MYL3: variants seen among roughly 807,000 people sequenced by gnomAD.
MYL3 encodes the protein CMLC1.
Under a neutral mutation model 21.3 loss-of-function variants are expected in MYL3, and 11 were observed. The ratio of observed to expected loss-of-function variants is 0.52; its 90% CI spans 0.32 to 0.85. The LOEUF is 0.85. MYL3 is among the 40% of genes least tolerant of loss of function. The probability of loss-of-function intolerance (pLI) is 0.03; values close to 1 mark genes in which losing one functional copy is unlikely to be tolerated. For missense variants in MYL3, 206 were observed against 253.3 expected (o/e 0.81, Z 1.27); for synonymous variants, 88 against 91.6 (o/e 0.96, Z 0.22).
In MYL3 at chr3:46,863,357, C is replaced by A; in HGVS notation, c.34G>T (p.Asp12Tyr). The A allele has an allele frequency of 6.2e-7, 1 of 1,613,852 alleles. No homozygotes were observed. The highest frequency in any genetic ancestry group is 8.5e-7 in the Non-Finnish European group (1 of 1,180,014). Reference protein sequence around the residue: ...APKKPEPKKDDAKAAPKAAPA... With the variant: ...APKKPEPKKDYAKAAPKAAPA... ...GCTGCCTTGGGGGCTGCCTTGGCAT[C>A]ATCCTTCTTGGGCTCTGGCTTTTTG... Residue 12 changes from aspartate to tyrosine, a missense_variant, in exon 1 of 7, where the codon GAT becomes TAT. Transcript: ENST00000292327.
At chr3:46,870,927 G>C (rs1702103837) in intron 1 of MYL3, among the ~76,000 whole-genome samples, 1 of 152,170 alleles carries the variant, frequency 6.6e-6, no homozygotes, top group African/African-American at 2.4e-5. Context: ...GCCAAGAGCA[G>C]GCACGCTGTA....
intron 1 of MYL3, among the ~76,000 whole-genome samples, chr3:46,878,559 T>A (rs1429428464): frequency 6.6e-6 from 1 of 152,172 alleles, no homozygotes; most frequent in Non-Finnish European, 1.5e-5. Flanking sequence ...TGGGGAAATA[T>A]AAGGACTCAG....
chr3:46,865,411 G>T (rs1328937679), upstream of MYL3, among the ~76,000 whole-genome samples: 3 of 152,118 alleles, frequency 2.0e-5, no homozygotes, highest in Non-Finnish European at 4.4e-5. The surrounding 1 kb of genome is among the most constrained non-coding windows in gnomAD (Gnocchi z 4.3). Context: ...ACACAGAGGG[G>T]CCCCGGGGAG....
chr3:46,860,866 C>T lies in MYL3; in HGVS notation c.158-41G>A, dbSNP rs1348959906. On this transcript the variant is annotated intron_variant, in intron 2 of 6. Coordinates refer to ENST00000292327, the MANE Select transcript of MYL3 (RefSeq NM_000258.3). This position sits in a 1 kb window ranked among gnomAD's most constrained non-coding sequence, Gnocchi z 4.6. Reference sequence around the variant, plus strand: ...AGTGAGCCACAGACACTCCCAGGGTCAGCCTACCCCACTCCCCACACCCCT... The same window carrying T: ...AGTGAGCCACAGACACTCCCAGGGTTAGCCTACCCCACTCCCCACACCCCT... The T allele has an allele frequency of 6.2e-7, 1 of 1,614,106 alleles. No homozygotes were observed. Among genetic ancestry groups the T allele is most frequent in the Non-Finnish European group, 8.5e-7 (1 of 1,180,010 alleles).
chr3:46,877,056 G>C (rs1284899697), intron 1 of MYL3, among the ~76,000 whole-genome samples: 1 of 152,134 alleles, frequency 6.6e-6, no homozygotes, highest in Non-Finnish European at 1.5e-5. Context: ...CAGACCCTGG[G>C]CCTGGAAGGG....
Position 46,858,125 on chromosome 3 carries a change from T to C in MYL3, c.*14-24A>G. 4 of 1,322,672 alleles carry C rather than the reference T, an allele frequency of 3.0e-6. No individual in the cohort carries two copies. The South Asian group carries it at 4.8e-5, about 16-fold the overall frequency. The allele number at this position is 1,322,672 out of a possible 1,614,324, so 81.9% of individuals were successfully genotyped here. ...TCCTGAGAGCAAAGGCAGTGCAGAT[T>C]ACAGAGGAGGAGGGAGACGGAGGCA... On this transcript the variant is annotated intron_variant, in intron 6 of 6. Transcript: ENST00000292327.
At chr3:46,881,184 T>C (rs2030534332) in intron 1 of MYL3, 1 of 152,256 alleles carries the variant, frequency 6.6e-6, no homozygotes. Flanking sequence ...TGCATTCGCT[T>C]CCTCCGCGAT....
chr3:46,864,879 T>G (rs1407164733), upstream of MYL3, among the ~76,000 whole-genome samples: 1 of 152,194 alleles, frequency 6.6e-6, no homozygotes, highest in Admixed American at 6.5e-5. This position sits in a 1 kb window ranked among gnomAD's most constrained non-coding sequence, Gnocchi z 4.7. Flanking sequence ...GGCACAAGGC[T>G]CTTCCCGCAT....
At chr3:46,880,726 T>C (rs2030498175) in intron 1 of MYL3, among the ~76,000 whole-genome samples, 1 of 151,430 alleles carries the variant, frequency 6.6e-6, no homozygotes, top group Non-Finnish European at 1.5e-5. Flanking sequence ...GACTTTGTCT[T>C]GAAGAAGAAG....
Position 46,860,553 on chromosome 3 carries a change from C to A in MYL3, c.307+123G>T. 7.2e-7 allele frequency: 1 copy of A among 1,393,516 alleles called. No homozygotes were observed. 86.3% of individuals were successfully genotyped at this position (1,393,516 alleles called of 1,614,324 possible). ...ATGGCCCTGTGACTGGCCTCGGTGC[C>A]CTCATCGGGACAATGCGAGATGTCA... On this transcript the variant is annotated intron_variant, in intron 3 of 6. Transcript: ENST00000292327. The surrounding 1 kb of genome is among the most constrained non-coding windows in gnomAD (Gnocchi z 4.6).
At chr3:46,876,548 G>A (rs1007461077) in intron 1 of MYL3, among the ~76,000 whole-genome samples, 3 of 152,204 alleles carry the variant, frequency 2.0e-5, no homozygotes, top group Admixed American at 2.0e-4. Context: ...CTTTGGTCCC[G>A]TTTCCTCCAC....
Position 46,860,768 on chromosome 3 carries a change from G to A in MYL3, c.215C>T (p.Thr72Ile). 1.9e-6 allele frequency: 3 copies of A among 1,614,144 alleles called. No individual in the cohort carries two copies. The highest frequency in any genetic ancestry group is 2.5e-6 in the Non-Finnish European group (3 of 1,180,022). Reference protein sequence around the residue: ...DRTPKCEMKITYGQCGDVLRA... With the variant: ...DRTPKCEMKIIYGQCGDVLRA... Reference sequence around the variant, plus strand: ...CAGGACATCCCCACACTGCCCGTAGGTGATCTTCATCTCACACTTGGGTGT... The same window carrying A: ...CAGGACATCCCCACACTGCCCGTAGATGATCTTCATCTCACACTTGGGTGT... Residue 72 changes from threonine (T) to isoleucine (I), a missense_variant, in exon 3 of 7, where the codon ACC (threonine) becomes ATC (isoleucine). By Grantham distance (89) the Thr-to-Ile change is moderately conservative (BLOSUM62 -1). Transcript: ENST00000292327. This position sits in a 1 kb window ranked among gnomAD's most constrained non-coding sequence, Gnocchi z 4.6.
chr3:46,872,959 T>C (rs1274065950), intron 1 of MYL3, among the ~76,000 whole-genome samples: 1 of 152,084 alleles, frequency 6.6e-6, no homozygotes, highest in Non-Finnish European at 1.5e-5. Flanking sequence ...AGCAGGGTGT[T>C]TGGAATCCAC....
chr3:46,881,870 C>T (rs2106947208), intron 1 of MYL3, among the ~76,000 whole-genome samples: 1 of 152,024 alleles, frequency 6.6e-6, no homozygotes, highest in East Asian at 2.0e-4. Context: ...ACCGGGCAGC[C>T]TCCTCAGGGG....
Position 46,860,814 on chromosome 3 carries a change from C to T in MYL3, c.169G>A (p.Ala57Thr). 1 of 1,614,072 alleles carries T rather than the reference C, an allele frequency of 6.2e-7. No homozygotes were observed. Among genetic ancestry groups the T allele is most frequent in the Non-Finnish European group, 8.5e-7 (1 of 1,179,990 alleles). Residue 57 changes from alanine to threonine, a missense_variant, in exon 3 of 7, where the codon GCC becomes ACC. Physicochemically the swap from Ala to Thr is moderately conservative, Grantham distance 58. Transcript: ENST00000292327. The surrounding 1 kb of genome is among the most constrained non-coding windows in gnomAD (Gnocchi z 4.6). ...GGTGTGCGGTCGAACAGCATGAAGGCTTCCTTGAACTCTGCCAGGAGAGGG... is the reference window on the plus strand; with the variant it reads ...GGTGTGCGGTCGAACAGCATGAAGGTTTCCTTGAACTCTGCCAGGAGAGGG... ...TPEQIEEFKE[A>T]FMLFDRTPKC... is the part of the protein sequence containing the mutation.
At chr3:46,876,083 T>C (rs575074392) in intron 1 of MYL3, among the ~76,000 whole-genome samples, 56 of 152,360 alleles carry the variant, frequency 3.7e-4, no homozygotes, top group African/African-American at 1.3e-3. Context: ...CCAGGTCTGC[T>C]TGCATCCAAG....
chr3:46,862,433 G>C (rs1420363897), intron 1 of MYL3, among the ~76,000 whole-genome samples: 1 of 152,212 alleles, frequency 6.6e-6, no homozygotes, highest in East Asian at 1.9e-4. Context: ...AAGGGCTCAT[G>C]AACAGGAGGC....
chr3:46,872,731 G>C (rs2029982947), intron 1 of MYL3, among the ~76,000 whole-genome samples: 1 of 152,226 alleles, frequency 6.6e-6, no homozygotes, highest in Non-Finnish European at 1.5e-5. Context: ...TCCAGGTTCA[G>C]CTGCTGTCTC....
rs1701995654 is a variant in MYL3 at position 46,861,833 on chromosome 3, C to T, written c.130-846G>A. Among the ~76,000 whole-genome samples the T allele has an allele frequency of 1.3e-5, 2 of 152,228 alleles. No homozygotes were observed. Among genetic ancestry groups the T allele is most frequent in the Non-Finnish European group, 2.9e-5 (2 of 68,036 alleles). On this transcript the variant is annotated intron_variant, in intron 1 of 6. Coordinates refer to ENST00000292327, the MANE Select transcript of MYL3 (RefSeq NM_000258.3). The surrounding 1 kb of genome is among the most constrained non-coding windows in gnomAD (Gnocchi z 4.2). ...AAAGGAGGTTGGGGGAGGGGCATGA[C>T]TGGCGTCTCTCTCATGGCTGCTGCC... is the stretch of plus-strand genomic sequence containing the variant.
Sources: allele counts gnomAD v4.1 joint callset (sites outside exome capture counted in the v4.1 genomes callset), GRCh38; gene constraint gnomAD v4.1.1; non-coding constraint Gnocchi (gnomAD v3.1); transcripts MANE v1.5; gene names NCBI Gene and HGNC (gene_info 2026-07-23, HGNC 2026-07-21).